Variants in FAM135B observed in about 807,000 individuals in gnomAD.
FAM135B encodes the protein protein FAM135B.
Under a neutral mutation model 127.7 loss-of-function variants are expected in FAM135B, and 43 were observed. The ratio of observed to expected loss-of-function variants is 0.34; its 90% CI spans 0.26 to 0.43. The LOEUF is 0.43. Among genes scored for constraint, FAM135B ranks in the 20% least tolerant of loss-of-function variants. The probability of loss-of-function intolerance (pLI) is 1.00; values close to 1 mark genes in which losing one functional copy is unlikely to be tolerated. For missense variants in FAM135B, 1,558 were observed against 1,725.6 expected (o/e 0.90, Z 1.72); for synonymous variants, 670 against 665.1 (o/e 1.01, Z -0.11).
At chr8:138,343,623 G>A (rs1007291530) in intron 2 of FAM135B, among the ~76,000 whole-genome samples, 6 of 152,210 alleles carry the variant, frequency 3.9e-5, no homozygotes, top group Non-Finnish European at 7.3e-5. Flanking sequence ...GGAAGGCCCT[G>A]CCCTGGCCAG....
At chr8:138,480,666 C>T (rs1814736518) in intron 1 of FAM135B, among the ~76,000 whole-genome samples, 1 of 152,002 alleles carries the variant, frequency 6.6e-6, no homozygotes, top group Admixed American at 6.6e-5. Flanking sequence ...GGAAGAAAGC[C>T]AACATGAAAC....
intron 17 of FAM135B, among the ~76,000 whole-genome samples, chr8:138,140,496 A>C (rs1293906760): frequency 6.6e-6 from 1 of 152,220 alleles, no homozygotes; most frequent in Non-Finnish European, 1.5e-5. Context: ...AAATCTCATG[A>C]GTAGTATCTA....
intron 2 of FAM135B, among the ~76,000 whole-genome samples, chr8:138,318,508 A>G (rs952314462): frequency 6.6e-6 from 1 of 152,170 alleles, no homozygotes; most frequent in African/African-American, 2.4e-5. Flanking sequence ...CACAAATCCT[A>G]TGTGAAAGCA....
At chr8:138,386,880 T>C (rs1445262479) in intron 1 of FAM135B, among the ~76,000 whole-genome samples, 2 of 151,830 alleles carry the variant, frequency 1.3e-5, no homozygotes, top group African/African-American at 4.8e-5. Flanking sequence ...AGACGGGAGT[T>C]CAAGACAGGG....
At position 138,159,530 on chromosome 8, in the gene FAM135B, C is replaced by A. The variant is rs1336771202; in HGVS notation, c.1259-6314G>T. The stretch of plus-strand genomic sequence containing the variant: ...CAGAAAACCAAACACCACATGTTCT[C>A]ACTCATAGATAGGAATTGAACAATG... On this transcript the variant is annotated intron_variant, in intron 12 of 19. Coordinates refer to ENST00000395297, the MANE Select transcript of FAM135B (RefSeq NM_015912.4). Among the ~76,000 whole-genome samples the A allele has an allele frequency of 4.0e-5, 6 of 149,020 alleles. No individual in the cohort carries two copies. In the Admixed American group the frequency reaches 4.1e-4, roughly 10 times the overall value.
chr8:138,165,472 G>C (rs1240302028), intron 12 of FAM135B, among the ~76,000 whole-genome samples: 1 of 152,100 alleles, frequency 6.6e-6, no homozygotes, highest in African/African-American at 2.4e-5. Flanking sequence ...CTTCACCTGT[G>C]AGTTGAGGGA....
intron 1 of FAM135B, among the ~76,000 whole-genome samples, chr8:138,467,634 A>T (rs961034539): frequency 3.3e-5 from 5 of 152,192 alleles, no homozygotes; most frequent in African/African-American, 4.8e-5. Context: ...CAACTCCAAC[A>T]TGTGGAAATT....
intron 1 of FAM135B, among the ~76,000 whole-genome samples, chr8:138,392,139 C>T (rs1832614136): frequency 6.6e-6 from 1 of 152,206 alleles, no homozygotes; most frequent in African/African-American, 2.4e-5. Context: ...TGGAATGTAA[C>T]CATCTCATTT....
chr8:138,193,474 G>T (rs989210937), intron 9 of FAM135B, among the ~76,000 whole-genome samples: 1 of 152,174 alleles, frequency 6.6e-6, no homozygotes, highest in Admixed American at 6.5e-5. Context: ...AAATAGTCAC[G>T]AATCAGCTCT....
At chr8:138,269,162 C>G (rs557339744) in intron 3 of FAM135B, among the ~76,000 whole-genome samples, 124 of 152,290 alleles carry the variant, frequency 8.1e-4, no homozygotes, top group African/African-American at 2.8e-3. Flanking sequence ...CTTCTCCCCC[C>G]ACAAAATGAA....
chr8:138,471,667 T>C (rs767965847), intron 1 of FAM135B, among the ~76,000 whole-genome samples: 8 of 152,164 alleles, frequency 5.3e-5, no homozygotes, highest in Non-Finnish European at 7.3e-5. Context: ...CATGGAATTA[T>C]AGAAATGCAA....
chr8:138,367,935 A>G lies in FAM135B; in HGVS notation c.49T>C (p.Phe17Leu), dbSNP rs1441695592. The G allele has an allele frequency of 6.2e-7, 1 of 1,613,746 alleles. No individual in the cohort carries two copies. Among genetic ancestry groups the G allele is most frequent in the South Asian group, 1.1e-5 (1 of 91,074 alleles). ...CTCTGAAAGAGATCCACATTATAAA[A>G]TTTATGTAGCTCTACCGAAAACTCA... ...TVEFSVELHK[F>L]YNVDLFQRGY... The change falls in exon 2 of 20, where the codon TTT becomes CTT. Residue 17 changes from phenylalanine to leucine, a missense_variant. Phe to Leu is a conservative substitution (Grantham distance 22). Coordinates refer to ENST00000395297, the MANE Select transcript of FAM135B (RefSeq NM_015912.4).
intron 1 of FAM135B, among the ~76,000 whole-genome samples, chr8:138,482,286 G>A (rs1307354718): frequency 2.0e-5 from 3 of 152,006 alleles, no homozygotes; most frequent in South Asian, 4.2e-4. Flanking sequence ...AGGGAAGAGC[G>A]TGTTGAAGTA....
intron 12 of FAM135B, among the ~76,000 whole-genome samples, chr8:138,157,254 T>A (rs578154311): frequency 6.6e-6 from 1 of 152,188 alleles, no homozygotes; most frequent in African/African-American, 2.4e-5. Context: ...CAGCACTTCA[T>A]GCTAAAAATT....
chr8:138,175,574 A>G, intron 11 of FAM135B, among the ~76,000 whole-genome samples: 1 of 152,214 alleles, frequency 6.6e-6, no homozygotes, highest in East Asian at 1.9e-4. Context: ...CCAATTCCAT[A>G]TTCAGTGATA....
intron 3 of FAM135B, among the ~76,000 whole-genome samples, chr8:138,266,107 G>A (rs1822898967): frequency 6.6e-6 from 1 of 152,058 alleles, no homozygotes; most frequent in African/African-American, 2.4e-5. Context: ...AATGCTCCTG[G>A]GCTGCTATGC....
chr8:138,266,320 C>T (rs1586922218), intron 3 of FAM135B, among the ~76,000 whole-genome samples: 2 of 152,184 alleles, frequency 1.3e-5, no homozygotes. Flanking sequence ...CATGAGAACA[C>T]TCTGTCTTGC....
intron 7 of FAM135B, among the ~76,000 whole-genome samples, chr8:138,230,136 G>A (rs1310998894): frequency 6.6e-6 from 1 of 152,110 alleles, no homozygotes; most frequent in Non-Finnish European, 1.5e-5. Flanking sequence ...CTCAGAAATG[G>A]GTCTTCAATT....
chr8:138,156,062 C>G (rs1302575180), intron 12 of FAM135B, among the ~76,000 whole-genome samples: 1 of 152,160 alleles, frequency 6.6e-6, no homozygotes, highest in Non-Finnish European at 1.5e-5. Context: ...CACTCCTCAG[C>G]AAATGTAAAA....
Sources: gnomAD v4.1 joint callset for allele counts (sites outside exome capture counted in the v4.1 genomes callset) on GRCh38, gnomAD v4.1.1 for gene constraint, MANE v1.5 for transcripts, NCBI Gene and HGNC (gene_info 2026-07-23, HGNC 2026-07-21) for gene names.